GNA13: variants seen among roughly 807,000 people sequenced by gnomAD.
The protein encoded by GNA13 is guanine nucleotide-binding protein subunit alpha-13.
GNA13 carries 4 observed loss-of-function variants against 33.5 expected under a neutral mutation model. That is an observed-to-expected ratio of 0.12 (90% confidence interval 0.06 to 0.27). The LOEUF is 0.27. Ranked by LOEUF, GNA13 falls within the 10% of genes least tolerant of loss-of-function variation. The pLI, the probability that GNA13 is intolerant of heterozygous loss-of-function variation, is 1.00. For synonymous variants in GNA13, 176 were observed against 183.8 expected (o/e 0.96, Z 0.34); for missense variants, 319 against 487.2 (o/e 0.65, Z 3.25).
chr17:65,026,178 A>C (rs1906775533), intron 2 of GNA13, among the ~76,000 whole-genome samples: 1 of 151,396 alleles, frequency 6.6e-6, no homozygotes, highest in Non-Finnish European at 1.5e-5. Context: ...CCAAAATAAG[A>C]CCAAATCACT....
intron 2 of GNA13, among the ~76,000 whole-genome samples, chr17:65,032,490 G>C (rs980124811): frequency 3.3e-5 from 5 of 152,026 alleles, no homozygotes; most frequent in African/African-American, 1.2e-4. Context: ...AAAAATCTTG[G>C]AACCATCCTA....
At chr17:65,045,042 C>CA (rs1244382117) in intron 2 of GNA13, among the ~76,000 whole-genome samples, 1,235 of 53,000 alleles carry the variant, frequency 0.023, 5 homozygotes, top group Middle Eastern at 0.04. Context: ...GACTCCATCT[C>CA]AAAAAAAAAA....
At position 65,056,684 on chromosome 17, in the gene GNA13, G is replaced by T; in HGVS notation, c.-91C>A. On this transcript the variant is annotated 5_prime_UTR_variant, in exon 1 of 4. Coordinates refer to ENST00000439174, the MANE Select transcript of GNA13 (RefSeq NM_006572.6). ...GGCGGCTCCGGCACCGAGGCTCGAGGGCGGGGAGCGCGGCGGCGGCCCGAG... is the reference window on the plus strand; with the variant it reads ...GGCGGCTCCGGCACCGAGGCTCGAGTGCGGGGAGCGCGGCGGCGGCCCGAG... 1.0e-6 allele frequency: 1 copy of T among 976,262 alleles called. No individual in the cohort carries two copies. The highest frequency in any genetic ancestry group is 1.4e-6 in the Non-Finnish European group (1 of 739,636). The allele number at this position is 976,262 out of a possible 1,614,324, so 60.5% of individuals were successfully genotyped here. A position where few individuals can be genotyped will look rare whatever the true frequency, so the allele number is the denominator to read the frequency against.
intron 2 of GNA13, among the ~76,000 whole-genome samples, chr17:65,048,166 TCA>T (rs1053630700): frequency 1.5e-4 from 23 of 152,212 alleles, no homozygotes; most frequent in African/African-American, 5.5e-4. Flanking sequence ...CCTCCCACTG[TCA>T]CACACACTGT....
rs1421154389 is a variant in GNA13, at chr17:65,056,545, C to T, written c.49G>A (p.Gly17Ser). The T allele has an allele frequency of 1.2e-6, 2 of 1,612,406 alleles. No individual in the cohort carries two copies. Among genetic ancestry groups the T allele is most frequent in the Non-Finnish European group, 1.7e-6 (2 of 1,179,786 alleles). ...SRSVLSVCFPGCLLTSGEAEQ... is the reference protein window; with the variant it reads ...SRSVLSVCFPSCLLTSGEAEQ... ...GCCTCGCCACTCGTCAGCAGGCAGCCGGGGAAGCACACGGACAGCACGGAC... is the reference window on the plus strand; with the variant it reads ...GCCTCGCCACTCGTCAGCAGGCAGCTGGGGAAGCACACGGACAGCACGGAC... The change falls in exon 1 of 4, where the codon GGC (glycine) becomes AGC (serine). Residue 17 changes from glycine to serine, a missense_variant. Around this residue, in one of 4 missense-constraint regions of GNA13, gnomAD observed 47 missense variants for 64.7 expected, o/e 0.73. Coordinates refer to ENST00000439174, the MANE Select transcript of GNA13 (RefSeq NM_006572.6).
chr17:65,013,656 G>A lies in GNA13; in HGVS notation c.*601C>T, dbSNP rs189181090. The A allele has an allele frequency of 5.6e-5, 12 of 214,434 alleles. No individual in the cohort carries two copies. The highest frequency in any genetic ancestry group is 2.5e-4 in the African/African-American group (11 of 44,370). 13.3% of individuals were successfully genotyped at this position (214,434 alleles called of 1,614,324 possible). On this transcript the variant is annotated 3_prime_UTR_variant, in exon 4 of 4. Transcript: ENST00000439174. ...CCTTATGTAAACTTGAAAACAGGAA[G>A]AACATTACCTTCAGAAACACAGAAA... is the stretch of plus-strand genomic sequence containing the variant.
intron 2 of GNA13, among the ~76,000 whole-genome samples, chr17:65,036,056 CCTATGAT>C (rs1567823431): frequency 6.6e-6 from 1 of 152,132 alleles, no homozygotes; most frequent in African/African-American, 2.4e-5. Context: ...TAATTCTACG[CCTATGAT>C]CACAAAACAG....
At chr17:65,034,032 A>T (rs973213960) in intron 2 of GNA13, among the ~76,000 whole-genome samples, 1 of 150,932 alleles carries the variant, frequency 6.6e-6, no homozygotes, top group African/African-American at 2.4e-5. Context: ...AAAAAAAAAA[A>T]AAAAAATCCA....
intron 2 of GNA13, among the ~76,000 whole-genome samples, chr17:65,036,306 G>C (rs746121775): frequency 6.6e-6 from 1 of 152,210 alleles, no homozygotes; most frequent in Non-Finnish European, 1.5e-5. Context: ...TCCAAGTCCC[G>C]ATTTGGTCAA....
chr17:65,034,012 CAAAAAAAAAA>C (rs780895691), intron 2 of GNA13, among the ~76,000 whole-genome samples: 25 of 50,090 alleles, frequency 5.0e-4, no homozygotes, highest in African/African-American at 1.9e-3. Context: ...GACTCCGTCT[CAAAAAAAAAA>C]AAAAAAAAAA....
chr17:65,021,348 C>G (rs543412408), intron 2 of GNA13, among the ~76,000 whole-genome samples: 55 of 152,318 alleles, frequency 3.6e-4, no homozygotes, highest in Admixed American at 9.8e-4. Flanking sequence ...CTGGGAATGG[C>G]TTCAATGTTG....
At chr17:65,018,986 T>C (rs1342883962) in intron 2 of GNA13, among the ~76,000 whole-genome samples, 1 of 152,194 alleles carries the variant, frequency 6.6e-6, no homozygotes, top group East Asian at 1.9e-4. Flanking sequence ...GGGAACTATT[T>C]TGGGAAAGAA....
At chr17:65,053,790 T>A in intron 1 of GNA13, 62 bp from the exon 2 acceptor site, 2 of 1,023,196 alleles carry the variant, frequency 2.0e-6, no homozygotes, top group Non-Finnish European at 3.0e-6. Context: ...ATCATAAGTT[T>A]TTATTCCAGT....
chr17:65,056,687 G>A lies in GNA13; in HGVS notation c.-94C>T. 3 of 941,718 alleles carry A rather than the reference G, an allele frequency of 3.2e-6. No individual in the cohort carries two copies. Among genetic ancestry groups the A allele is most frequent in the Non-Finnish European group, 4.2e-6 (3 of 709,596 alleles). The allele number at this position is 941,718 out of a possible 1,614,324, so 58.3% of individuals were successfully genotyped here. A position where few individuals can be genotyped will look rare whatever the true frequency, so the allele number is the denominator to read the frequency against. ...GGCTCCGGCACCGAGGCTCGAGGGC[G>A]GGGAGCGCGGCGGCGGCCCGAGCGC... On this transcript the variant is annotated 5_prime_UTR_variant, in exon 1 of 4. Coordinates refer to ENST00000439174, the MANE Select transcript of GNA13 (RefSeq NM_006572.6).
At chr17:65,041,326 T>C (rs143576009) in intron 2 of GNA13, among the ~76,000 whole-genome samples, 1 of 152,286 alleles carries the variant, frequency 6.6e-6, no homozygotes, top group African/African-American at 2.4e-5. Flanking sequence ...AGTGAGGTGG[T>C]ATAGAAGAGT....
rs1419402119 is a variant in GNA13 at position 65,056,652 on chromosome 17, G to A, written c.-59C>T. Reference sequence around the variant, plus strand: ...TCCGGCTCCCTCCACCTCCTCCTCCGGCGGCGGGCGGCTCCGGCACCGAGG... The same window carrying A: ...TCCGGCTCCCTCCACCTCCTCCTCCAGCGGCGGGCGGCTCCGGCACCGAGG... On this transcript the variant is annotated 5_prime_UTR_variant, in exon 1 of 4. Transcript: ENST00000439174. 1.4e-6 allele frequency: 2 copies of A among 1,419,980 alleles called. No individual in the cohort carries two copies. Among genetic ancestry groups the A allele is most frequent in the African/African-American group, 1.5e-5 (1 of 68,006 alleles). 88.0% of individuals were successfully genotyped at this position (1,419,980 alleles called of 1,614,324 possible). A position where few individuals can be genotyped will look rare whatever the true frequency, so the allele number is the denominator to read the frequency against.
At chr17:65,040,851 C>G (rs1287209783) in intron 2 of GNA13, among the ~76,000 whole-genome samples, 1 of 152,150 alleles carries the variant, frequency 6.6e-6, no homozygotes, top group Non-Finnish European at 1.5e-5. Flanking sequence ...CTAAAGTATA[C>G]CCCCGTACAT....
chr17:65,038,515 G>C (rs1485428539), intron 2 of GNA13, among the ~76,000 whole-genome samples: 1 of 152,126 alleles, frequency 6.6e-6, no homozygotes, highest in Non-Finnish European at 1.5e-5. Flanking sequence ...TGGGCTCAAG[G>C]GATGCTCCCA....
intron 3 of GNA13, among the ~76,000 whole-genome samples, chr17:65,015,662 T>TAAA (rs59210481): frequency 2.0e-3 from 153 of 74,686 alleles, no homozygotes; most frequent in African/African-American, 4.5e-3. Context: ...GACTTTGTCT[T>TAAA]AAAAAAAAAA....
Sources: gnomAD v4.1 joint callset for allele counts (sites outside exome capture counted in the v4.1 genomes callset) on GRCh38, gnomAD v4.1.1 for gene constraint, gnomAD v4.1.1 regional missense constraint, MANE v1.5 for transcripts, NCBI Gene and HGNC (gene_info 2026-07-23, HGNC 2026-07-21) for gene names.